OXR1: variants seen among roughly 807,000 people sequenced by gnomAD.
OXR1 encodes the protein oxidation resistance 1.
A neutral mutation model predicts 104.6 loss-of-function variants in OXR1; 41 were observed. The ratio of observed to expected loss-of-function variants is 0.39; its 90% CI spans 0.31 to 0.51. The LOEUF (loss-of-function observed/expected upper bound fraction) is 0.51, where lower values mean the gene tolerates loss of function less well. Among genes scored for constraint, OXR1 ranks in the 20% least tolerant of loss-of-function variants. The pLI, the probability that OXR1 is intolerant of heterozygous loss-of-function variation, is 0.77. For synonymous variants in OXR1, 348 were observed against 348.4 expected (o/e 1.00, Z 0.01); for missense variants, 955 against 1,031.9 (o/e 0.93, Z 1.02).
In OXR1 at chr8:106,407,689, A is replaced by G. The variant is rs142378798; in HGVS notation, c.23+48053A>G. On this transcript the variant is annotated intron_variant, in intron 2 of 16. Coordinates refer to ENST00000517566, the MANE Select transcript of OXR1 (RefSeq NM_001198533.2). ...ACAAACTGTCTGAAACATGTGATGG[A>G]GGAAGGAGAGCATGCCACAGCAACT... is the stretch of plus-strand genomic sequence containing the variant. 6.6e-3 allele frequency among the ~76,000 whole-genome samples: 1,005 copies of G among 152,288 alleles called. 5 individuals are homozygous for G. Among genetic ancestry groups the G allele is most frequent in the Middle Eastern group, 0.014 (4 of 294 alleles).
At chr8:106,546,633 A>T (rs1815378655) in intron 3 of OXR1, among the ~76,000 whole-genome samples, 1 of 152,222 alleles carries the variant, frequency 6.6e-6, no homozygotes, top group Non-Finnish European at 1.5e-5. Flanking sequence ...AGAAAAAAGG[A>T]GCAGTTAGGG....
intron 3 of OXR1, among the ~76,000 whole-genome samples, chr8:106,641,193 C>T (rs527710324): frequency 6.6e-6 from 1 of 152,324 alleles, no homozygotes; most frequent in East Asian, 1.9e-4. Context: ...TCACATCTTT[C>T]ATTCCCAGAT....
chr8:106,559,947 CA>C (rs1816558905), intron 3 of OXR1, among the ~76,000 whole-genome samples: 1 of 152,232 alleles, frequency 6.6e-6, no homozygotes, highest in South Asian at 2.1e-4. Context: ...TCAAGTGGGA[CA>C]AAAACCTCCA....
At chr8:106,543,185 G>A (rs1336826131) in intron 3 of OXR1, among the ~76,000 whole-genome samples, 1 of 152,164 alleles carries the variant, frequency 6.6e-6, no homozygotes, top group Non-Finnish European at 1.5e-5. Context: ...AGAATTCCAT[G>A]AATGTTTTAT....
intron 2 of OXR1, among the ~76,000 whole-genome samples, chr8:106,402,614 C>A (rs1280736789): frequency 2.0e-5 from 3 of 152,158 alleles, no homozygotes; most frequent in Non-Finnish European, 4.4e-5. Context: ...TTAATGTTAG[C>A]TCAAAACCAG....
intron 11 of OXR1, among the ~76,000 whole-genome samples, chr8:106,737,132 G>A (rs1043510645): frequency 6.6e-6 from 1 of 151,942 alleles, no homozygotes; most frequent in Non-Finnish European, 1.5e-5. Flanking sequence ...GATTTGGAGG[G>A]GGTAGTTGAA....
chr8:106,708,578 A>T (rs188208114), intron 9 of OXR1, among the ~76,000 whole-genome samples: 419 of 152,276 alleles, frequency 2.8e-3, no homozygotes, highest in Non-Finnish European at 4.5e-3. Flanking sequence ...ATGCCTTCAA[A>T]GTTCATTTAT....
In OXR1 at chr8:106,730,383, G is replaced by A. The variant is rs28681460; in HGVS notation, c.1957-7137G>A. Among the ~76,000 whole-genome samples the A allele has an allele frequency of 3.0e-3, 463 of 152,004 alleles. 7 individuals are homozygous for A. Among genetic ancestry groups the A allele is most frequent in the African/African-American group, 0.011 (434 of 41,332 alleles). Reference sequence around the variant, plus strand: ...TGCCCTAAAAATTCCCTGTGCCACAGCTATTTATCACTCATTCCCTTCCAG... The same window carrying A: ...TGCCCTAAAAATTCCCTGTGCCACAACTATTTATCACTCATTCCCTTCCAG... On this transcript the variant is annotated intron_variant, in intron 11 of 16. Coordinates refer to ENST00000517566, the MANE Select transcript of OXR1 (RefSeq NM_001198533.2).
intron 1 of OXR1, among the ~76,000 whole-genome samples, chr8:106,282,268 G>A (rs1305030052): frequency 1.3e-5 from 2 of 152,092 alleles, no homozygotes; most frequent in Non-Finnish European, 1.5e-5. Flanking sequence ...TAAGTAATTA[G>A]CAGTACCTGT....
chr8:106,597,699 A>G (rs1437377625), intron 3 of OXR1, among the ~76,000 whole-genome samples: 2 of 152,170 alleles, frequency 1.3e-5, no homozygotes, highest in East Asian at 3.9e-4. Flanking sequence ...CTAGGTGAAA[A>G]GATGAAGCTT....
chr8:106,466,983 C>A (rs924100705), intron 2 of OXR1, among the ~76,000 whole-genome samples: 19 of 151,878 alleles, frequency 1.3e-4, no homozygotes, highest in African/African-American at 4.3e-4. Context: ...ATATTTGCAT[C>A]TTTATTCCAC....
At chr8:106,616,881 C>T (rs953550061) in intron 3 of OXR1, among the ~76,000 whole-genome samples, 1 of 152,190 alleles carries the variant, frequency 6.6e-6, no homozygotes, top group African/African-American at 2.4e-5. Context: ...GATCTTCACC[C>T]ACTGACTTGA....
chr8:106,364,924 G>T (rs1043450553), intron 2 of OXR1, among the ~76,000 whole-genome samples: 1 of 152,118 alleles, frequency 6.6e-6, no homozygotes. Flanking sequence ...CTAAATTGCA[G>T]GCTCTCAGGG....
At chr8:106,618,524 T>C (rs1274243162) in intron 3 of OXR1, among the ~76,000 whole-genome samples, 1 of 152,236 alleles carries the variant, frequency 6.6e-6, no homozygotes, top group East Asian at 1.9e-4. Context: ...TCAGACATAA[T>C]GATTTTGAGT....
intron 2 of OXR1, among the ~76,000 whole-genome samples, chr8:106,444,085 G>A (rs1480260935): frequency 6.6e-6 from 1 of 152,028 alleles, no homozygotes; most frequent in African/African-American, 2.4e-5. Context: ...ACAAACGTAT[G>A]AAAAAAAGCT....
intron 12 of OXR1, 40 bp downstream of exon 12, chr8:106,737,640 T>A: frequency 4.0e-6 from 3 of 748,554 alleles, no homozygotes; most frequent in Non-Finnish European, 5.8e-6. Flanking sequence ...AGAGACTAAA[T>A]ACTCCCTGTT....
intron 2 of OXR1, among the ~76,000 whole-genome samples, chr8:106,383,502 G>C (rs759619293): frequency 1.3e-5 from 2 of 152,186 alleles, no homozygotes; most frequent in Non-Finnish European, 2.9e-5. Flanking sequence ...TGAAGAAATT[G>C]ATGCAATGCT....
At chr8:106,623,390 T>TA (rs965695593) in intron 3 of OXR1, among the ~76,000 whole-genome samples, 185 of 147,152 alleles carry the variant, frequency 1.3e-3, no homozygotes, top group East Asian at 0.012. Flanking sequence ...TACACAATAG[T>TA]AAAAAAAAAA....
chr8:106,387,760 C>T (rs1247378205), intron 2 of OXR1, among the ~76,000 whole-genome samples: 1 of 152,120 alleles, frequency 6.6e-6, no homozygotes, highest in South Asian at 2.1e-4. Context: ...CAAGTGCATT[C>T]GATTTTCCAG....
Sources: allele counts gnomAD v4.1 joint callset (sites outside exome capture counted in the v4.1 genomes callset), GRCh38; gene constraint gnomAD v4.1.1; transcripts MANE v1.5; gene names NCBI Gene and HGNC (gene_info 2026-07-23, HGNC 2026-07-21).